The following SNX6 variants were observed in gnomAD, a reference collection of about 807,000 sequenced individuals.
SNX6 encodes the protein sorting nexin 6.
A neutral mutation model predicts 63.0 loss-of-function variants in SNX6; 34 were observed. That is an observed-to-expected ratio of 0.54 (90% CI 0.41 to 0.72). The LOEUF (loss-of-function observed/expected upper bound fraction) is 0.72, where lower values mean the gene tolerates loss of function less well. SNX6 is among the 30% of genes least tolerant of loss of function. The probability of loss-of-function intolerance (pLI) is 0.00; values close to 1 mark genes in which losing one functional copy is unlikely to be tolerated. For synonymous variants in SNX6, 170 were observed against 164.2 expected, an observed-to-expected ratio of 1.04 and a Z score of -0.27; for missense variants, 398 against 471.4, an observed-to-expected ratio of 0.84 and a Z score of 1.44.
At chr14:34,581,793 T>C (rs1276805171) in intron 9 of SNX6, among the ~76,000 whole-genome samples, 193 bp from the exon 10 acceptor site, 1 of 152,214 alleles carries the variant, frequency 6.6e-6, no homozygotes, top group African/African-American at 2.4e-5. Flanking sequence ...AACTGATTAC[T>C]TGAAATCTGT....
intron 13 of SNX6, among the ~76,000 whole-genome samples, chr14:34,565,670 C>G (rs867636974): frequency 6.6e-6 from 1 of 151,818 alleles, no homozygotes; most frequent in East Asian, 1.9e-4. Context: ...GCGTGCACCA[C>G]TATGCCTGGC....
intron 2 of SNX6, among the ~76,000 whole-genome samples, chr14:34,618,859 C>T (rs183430786): frequency 6.6e-6 from 1 of 152,176 alleles, no homozygotes; most frequent in African/African-American, 2.4e-5. Context: ...AAAATCCCTA[C>T]TCCTCCCTCA....
In SNX6 at chr14:34,577,115, GCT is replaced by G. The variant is rs201926468; in HGVS notation, c.835-1275_835-1274del. ...TTCTTTCTTTTCCAGACGAAGTCTT[GCT>G]CTGTTGCCAGGCTGGAGTACAGTGG... On this transcript the variant is annotated intron_variant, in intron 10 of 13. Transcript: ENST00000362031. Among the ~76,000 whole-genome samples, 1,102 of 152,100 alleles carry G rather than the reference GCT, an allele frequency of 7.2e-3. 12 individuals carry two copies. Among genetic ancestry groups the G allele is most frequent in the African/African-American group, 0.026 (1,059 of 41,522 alleles).
At chr14:34,564,632 C>T (rs1020125554) in intron 13 of SNX6, among the ~76,000 whole-genome samples, 3 of 151,718 alleles carry the variant, frequency 2.0e-5, no homozygotes, top group African/African-American at 7.3e-5. Context: ...GTTTGAGACC[C>T]GCCTGGCCAA....
chr14:34,589,875 C>A (rs540332934), intron 8 of SNX6, among the ~76,000 whole-genome samples: 1 of 152,030 alleles, frequency 6.6e-6, no homozygotes, highest in East Asian at 1.9e-4. Context: ...CTTTGGGAGG[C>A]CAAGGTGAGA....
rs1167613862 is a variant in SNX6 at position 34,578,927 on chromosome 14, G to A, written c.834+2634C>T. 1.5e-4 allele frequency among the ~76,000 whole-genome samples: 6 copies of A among 38,944 alleles called. No homozygotes were observed. In the South Asian group the frequency reaches 3.4e-3, roughly 22 times the overall value. 25.5% of individuals were successfully genotyped at this position (38,944 alleles called of 152,430 possible). A position where few individuals can be genotyped will look rare whatever the true frequency, so the allele number is the denominator to read the frequency against. ...GCACTCCAGCCTGGCGACAGAGCGA[G>A]ACTTCATCTCAAAAAAAAAAAAAAA... is the stretch of plus-strand genomic sequence containing the variant. On this transcript the variant is annotated intron_variant, in intron 10 of 13. Coordinates refer to ENST00000362031, the MANE Select transcript of SNX6 (RefSeq NM_152233.4).
In SNX6 at chr14:34,575,914, T is replaced by C. The variant is rs1024965415; in HGVS notation, c.835-72A>G. 3 of 941,542 alleles carry C rather than the reference T, an allele frequency of 3.2e-6. No individual in the cohort carries two copies. The South Asian group carries it at 4.5e-5, about 14-fold the overall frequency. The allele number at this position is 941,542 out of a possible 1,614,324, so 58.3% of individuals were successfully genotyped here. ...CCTCTCAGTGGTTTCCTTCTTTTTG[T>C]TGTTGTTGTTTTTTTGTTTTTTTTT... On this transcript the variant is annotated intron_variant, in intron 10 of 13. Transcript: ENST00000362031.
chr14:34,577,582 G>C (rs1368542498), intron 10 of SNX6, among the ~76,000 whole-genome samples: 1 of 152,130 alleles, frequency 6.6e-6, no homozygotes, highest in East Asian at 1.9e-4. Context: ...TGAGATGGAA[G>C]GGGAAGTAGC....
chr14:34,625,002 G>A (rs1353235474), intron 2 of SNX6, among the ~76,000 whole-genome samples: 4 of 151,882 alleles, frequency 2.6e-5, no homozygotes, highest in African/African-American at 7.3e-5. Flanking sequence ...TGCAACCTCC[G>A]CCTCCTGGGT....
Position 34,597,606 on chromosome 14 carries a change from C to A in SNX6, c.556G>T (p.Asp186Tyr). The change falls in exon 7 of 14, where the codon GAC becomes TAC. Residue 186 changes from aspartate to tyrosine, a missense_variant. Coordinates refer to ENST00000362031, the MANE Select transcript of SNX6 (RefSeq NM_152233.4). ...RGKNKKEKLE[D>Y]FFKNMVKSAD... ...GATTTAACCATGTTTTTAAAGAAGT[C>A]TTCAAGTTTCTCTTTTTTATTTTTT... is the stretch of plus-strand genomic sequence containing the variant. 1.2e-6 allele frequency: 2 copies of A among 1,607,938 alleles called. No homozygotes were observed. Among genetic ancestry groups the A allele is most frequent in the Non-Finnish European group, 8.5e-7 (1 of 1,176,418 alleles).
At chr14:34,573,847 T>G (rs532535331) in intron 11 of SNX6, among the ~76,000 whole-genome samples, 121 of 151,852 alleles carry the variant, frequency 8.0e-4, no homozygotes, top group Non-Finnish European at 1.5e-3. Context: ...TTCACTATGT[T>G]GGCCAGGCTG....
intron 2 of SNX6, among the ~76,000 whole-genome samples, chr14:34,615,000 T>C (rs1429915364): frequency 1.3e-5 from 2 of 152,194 alleles, no homozygotes; most frequent in South Asian, 2.1e-4. Flanking sequence ...TTCAGAGATA[T>C]CTACATTTGA....
intron 9 of SNX6, among the ~76,000 whole-genome samples, chr14:34,581,842 T>C (rs1039198998): frequency 3.3e-5 from 5 of 152,300 alleles, no homozygotes; most frequent in South Asian, 2.1e-4. Flanking sequence ...TTTTGTTTTT[T>C]TTTGCGATGG....
At chr14:34,579,676 G>C in intron 10 of SNX6, among the ~76,000 whole-genome samples, 1 of 151,764 alleles carries the variant, frequency 6.6e-6, no homozygotes, top group East Asian at 1.9e-4. Context: ...ATATAATGTT[G>C]AGTACAAGAA....
intron 6 of SNX6, among the ~76,000 whole-genome samples, 177 bp from the exon 7 acceptor site, chr14:34,597,822 G>C (rs1162202304): frequency 2.0e-5 from 3 of 152,110 alleles, no homozygotes; most frequent in African/African-American, 7.2e-5. Flanking sequence ...AAGGAGTTTG[G>C]TAATAATATA....
chr14:34,629,612 C>T (rs1393931095), intron 2 of SNX6: 2 of 658,212 alleles, frequency 3.0e-6, no homozygotes, highest in Non-Finnish European at 5.6e-6. Flanking sequence ...CTCCCGCCTC[C>T]ATTTCCACTT....
intron 6 of SNX6, among the ~76,000 whole-genome samples, chr14:34,601,882 A>G (rs1882829594): frequency 6.6e-6 from 1 of 150,790 alleles, no homozygotes; most frequent in South Asian, 2.1e-4. Context: ...GGTTACAGGC[A>G]TGAGCCACCA....
At position 34,576,509 on chromosome 14, in the gene SNX6, C is replaced by T. The variant is rs188234168; in HGVS notation, c.835-667G>A. 3.5e-3 allele frequency among the ~76,000 whole-genome samples: 527 copies of T among 150,998 alleles called. 4 individuals are homozygous for T. The highest frequency in any genetic ancestry group is 5.6e-3 in the Non-Finnish European group (383 of 67,850). On this transcript the variant is annotated intron_variant, in intron 10 of 13. Transcript: ENST00000362031. ...TGTCACCCAGGCTGGAATGCAGTGGCGCAATCTCGGCTCACTGCAACCTCT... is the reference window on the plus strand; with the variant it reads ...TGTCACCCAGGCTGGAATGCAGTGGTGCAATCTCGGCTCACTGCAACCTCT...
At chr14:34,625,617 C>T (rs143561196) in intron 2 of SNX6, among the ~76,000 whole-genome samples, 2,283 of 152,196 alleles carry the variant, frequency 0.015, 62 homozygotes, top group African/African-American at 0.052. Flanking sequence ...CACCTATAAT[C>T]CCAGCTACTC....
Sources: allele counts gnomAD v4.1 joint callset (sites outside exome capture counted in the v4.1 genomes callset), GRCh38; gene constraint gnomAD v4.1.1; transcripts MANE v1.5; gene names NCBI Gene and HGNC (gene_info 2026-07-23, HGNC 2026-07-21).